The following KLF8 variants were observed in gnomAD, a reference collection of about 807,000 sequenced individuals.
KLF8 encodes the protein Krueppel-like factor 8.
A neutral mutation model predicts 18.2 loss-of-function variants in KLF8; 10 were observed. The observed-to-expected ratio is 0.55, with a 90% confidence interval of 0.34 to 0.93. KLF8 has a LOEUF of 0.93. Ranked by LOEUF, KLF8 falls within the 40% of genes least tolerant of loss-of-function variation. The probability of loss-of-function intolerance (pLI) is 0.02; values close to 1 mark genes in which losing one functional copy is unlikely to be tolerated. For missense variants in KLF8, 264 were observed against 277.9 expected (o/e 0.95, Z 0.36); for synonymous variants, 109 against 97.3 (o/e 1.12, Z -0.71).
the KLF8 span, among the ~76,000 whole-genome samples, chrX:55,943,823 T>A: frequency 8.9e-6 from 1 of 112,272 alleles, no homozygotes; most frequent in Non-Finnish European, 1.9e-5. Context: ...ACTCAGGTGA[T>A]CTCTGGAACC....
chrX:55,976,894 T>A, the KLF8 span, among the ~76,000 whole-genome samples: 1 of 112,130 alleles, frequency 8.9e-6, no homozygotes, highest in Non-Finnish European at 1.9e-5. Context: ...TTTGTCATTA[T>A]TATAATTCTT....
the KLF8 span, among the ~76,000 whole-genome samples, chrX:55,928,660 G>C: frequency 1.8e-5 from 2 of 111,497 alleles, no homozygotes; most frequent in African/African-American, 6.5e-5. Context: ...TAAGAAAGAT[G>C]GTTTCTGGCT....
chrX:56,233,721 CA>C (rs2066432364), intron 1 of KLF8, among the ~76,000 whole-genome samples: 1 of 111,815 alleles, frequency 8.9e-6, no homozygotes, highest in Non-Finnish European at 1.9e-5. Context: ...TTCACAAGGC[CA>C]AAGCTCCCAG....
At chrX:56,038,929 T>G in the KLF8 span, among the ~76,000 whole-genome samples, 1 of 112,383 alleles carries the variant, frequency 8.9e-6, no homozygotes, top group Admixed American at 9.4e-5. Context: ...GGTATCTCAT[T>G]GTGGTTTTCA....
the KLF8 span, among the ~76,000 whole-genome samples, chrX:56,100,063 A>G: frequency 9.0e-6 from 1 of 111,517 alleles, no homozygotes; most frequent in Non-Finnish European, 1.9e-5. Flanking sequence ...GCCTGGCTTC[A>G]AAGCTTCGAA....
chrX:55,952,068 A>G, the KLF8 span, among the ~76,000 whole-genome samples: 17 of 111,882 alleles, frequency 1.5e-4, no homozygotes, highest in Non-Finnish European at 3.2e-4. Flanking sequence ...TTGGTAAGCT[A>G]TTTCTTGGAG....
chrX:56,111,209 C>A, the KLF8 span, among the ~76,000 whole-genome samples: 1 of 112,295 alleles, frequency 8.9e-6, no homozygotes, highest in Non-Finnish European at 1.9e-5. Context: ...TATTGAGGAT[C>A]ACATTTATGT....
chrX:56,059,218 A>T, the KLF8 span, among the ~76,000 whole-genome samples: 3 of 111,641 alleles, frequency 2.7e-5, no homozygotes, highest in African/African-American at 6.5e-5. Context: ...TGTCTTGTAA[A>T]TTTCTTTAAG....
the KLF8 span, among the ~76,000 whole-genome samples, chrX:56,058,708 T>C: frequency 9.0e-6 from 1 of 111,075 alleles, no homozygotes; most frequent in Non-Finnish European, 1.9e-5. Context: ...CTGCATATAC[T>C]CTATGGTGTA....
the KLF8 span, among the ~76,000 whole-genome samples, chrX:56,205,649 C>A: frequency 8.9e-6 from 1 of 111,891 alleles, no homozygotes; most frequent in East Asian, 2.8e-4. Context: ...CTTTTGGAAT[C>A]AGGGCAATAC....
At chrX:56,238,795 A>G (rs1005936486) in intron 1 of KLF8, among the ~76,000 whole-genome samples, 2 of 111,934 alleles carry the variant, frequency 1.8e-5, no homozygotes, top group Admixed American at 9.5e-5. Flanking sequence ...GCAAGGATAT[A>G]TTCCTTAAAA....
At chrX:56,194,335 C>A in the KLF8 span, among the ~76,000 whole-genome samples, 2 of 111,690 alleles carry the variant, frequency 1.8e-5, no homozygotes, top group Non-Finnish European at 1.9e-5. Flanking sequence ...GGCAGACTAC[C>A]TGGAAAAACG....
In KLF8 at chrX:56,286,640, T is replaced by C. The variant is rs564673490; in HGVS notation, c.*2146T>C. The C allele has an allele frequency of 8.9e-6, 1 of 112,504 alleles. No individual in the cohort carries two copies. Among genetic ancestry groups the C allele is most frequent in the African/African-American group, 3.2e-5 (1 of 31,003 alleles). The allele number at this position is 112,504 out of a possible 1,213,427, so 9.3% of individuals were successfully genotyped here. ...ACACGCTTCTAACACTTCTATAATA[T>C]CTAGATTTTATTTACCTCATTTTAA... is the stretch of plus-strand genomic sequence containing the variant. On this transcript the variant is annotated 3_prime_UTR_variant, in exon 6 of 6. Transcript: ENST00000468660.
At chrX:56,172,594 G>A in the KLF8 span, among the ~76,000 whole-genome samples, 1 of 111,903 alleles carries the variant, frequency 8.9e-6, no homozygotes, top group African/African-American at 3.3e-5. Flanking sequence ...ATAGCAGCAT[G>A]ATTTATAAGC....
chrX:56,151,661 A>G, the KLF8 span, among the ~76,000 whole-genome samples: 2 of 111,133 alleles, frequency 1.8e-5, no homozygotes, highest in Non-Finnish European at 3.8e-5. Context: ...TCATGAGTTC[A>G]ATTTTGAACC....
chrX:55,938,423 C>T, the KLF8 span, among the ~76,000 whole-genome samples: 1 of 111,447 alleles, frequency 9.0e-6, no homozygotes, highest in African/African-American at 3.3e-5. Flanking sequence ...CAAAAACATG[C>T]CAAATTGTAA....
the KLF8 span, among the ~76,000 whole-genome samples, chrX:55,944,944 T>C: frequency 3.4e-3 from 382 of 111,623 alleles, no homozygotes; most frequent in African/African-American, 0.012. Context: ...TTTGGATCTT[T>C]CCTGCTTTCT....
chrX:55,928,183 A>G, the KLF8 span, among the ~76,000 whole-genome samples: 1 of 111,714 alleles, frequency 9.0e-6, no homozygotes. Context: ...GAGTCTGATT[A>G]TAGTTAGACT....
intron 1 of KLF8, among the ~76,000 whole-genome samples, chrX:56,237,322 C>A (rs1172240611): frequency 9.1e-6 from 1 of 109,306 alleles, no homozygotes; most frequent in African/African-American, 3.3e-5. Context: ...CACTTTCATG[C>A]CTTCTTCTAA....
Sources: allele counts gnomAD v4.1 joint callset (sites outside exome capture counted in the v4.1 genomes callset), GRCh38; gene constraint gnomAD v4.1.1; transcripts MANE v1.5; gene names NCBI Gene and HGNC (gene_info 2026-07-23, HGNC 2026-07-21).